The following VIPR2 variants were observed in gnomAD, a reference collection of about 807,000 sequenced individuals.
VIPR2 encodes the protein vasoactive intestinal peptide receptor 2.
Under a neutral mutation model 58.0 loss-of-function variants are expected in VIPR2, and 48 were observed. The observed-to-expected ratio is 0.83, with a 90% CI of 0.66 to 1.05. The LOEUF (loss-of-function observed/expected upper bound fraction) is 1.05. Ranked by LOEUF, VIPR2 falls within the 50% of genes least tolerant of loss-of-function variation. The probability of loss-of-function intolerance (pLI) is 0.00; values close to 1 mark genes in which losing one functional copy is unlikely to be tolerated. For missense variants in VIPR2, 534 were observed against 558.0 expected, an observed-to-expected ratio of 0.96 and a Z score of 0.43; for synonymous variants, 243 against 235.2, an observed-to-expected ratio of 1.03 and a Z score of -0.30.
At chr7:159,035,393 C>A (rs971579769) in intron 8 of VIPR2, among the ~76,000 whole-genome samples, 2 of 152,162 alleles carry the variant, frequency 1.3e-5, no homozygotes, top group Non-Finnish European at 2.9e-5. Context: ...TTTTAAACCA[C>A]CAAATTTTGG....
chr7:159,104,993 C>T lies in VIPR2; in HGVS notation c.260-1139G>A, dbSNP rs575621617. 5.9e-5 allele frequency among the ~76,000 whole-genome samples: 9 copies of T among 152,354 alleles called. No individual in the cohort carries two copies. In the East Asian group the frequency reaches 1.4e-3, roughly 23 times the overall value. On this transcript the variant is annotated intron_variant, in intron 3 of 12. Coordinates refer to ENST00000262178, the MANE Select transcript of VIPR2 (RefSeq NM_003382.5). ...CCACTGGTGTTGGAAGAAAGGATGGCGGAATTACAGTTTAATTGTAGGAAA... is the reference window on the plus strand; with the variant it reads ...CCACTGGTGTTGGAAGAAAGGATGGTGGAATTACAGTTTAATTGTAGGAAA...
At chr7:159,083,968 G>A (rs1025843751) in intron 4 of VIPR2, among the ~76,000 whole-genome samples, 6 of 152,216 alleles carry the variant, frequency 3.9e-5, no homozygotes, top group African/African-American at 1.4e-4. Flanking sequence ...CTTAGCAGAT[G>A]TGCCCTTGCT....
rs116132858 is a variant in VIPR2, at chr7:159,055,917, G to A, written c.455+2564C>T. 4.9e-3 allele frequency among the ~76,000 whole-genome samples: 739 copies of A among 152,312 alleles called. 1 individual carries two copies. Among genetic ancestry groups the A allele is most frequent in the South Asian group, 0.016 (77 of 4,830 alleles). On this transcript the variant is annotated intron_variant, in intron 5 of 12. Coordinates refer to ENST00000262178, the MANE Select transcript of VIPR2 (RefSeq NM_003382.5). Reference sequence around the variant, plus strand: ...GGAGGTAGTAGAAAGTGTGGCTTCCGGAAAGGGGGACCAGAGTCTGCTCAT... The same window carrying A: ...GGAGGTAGTAGAAAGTGTGGCTTCCAGAAAGGGGGACCAGAGTCTGCTCAT...
At position 159,031,741 on chromosome 7, in the gene VIPR2, T is replaced by G. The variant is rs1414414118; in HGVS notation, c.1143+87A>C. ...AACTCGAGCCCGCGGAAGACAGGCA[T>G]GTGTGGGGGCTGCGGCACCAGGCTG... On this transcript the variant is annotated intron_variant, in intron 12 of 12. Coordinates refer to ENST00000262178, the MANE Select transcript of VIPR2 (RefSeq NM_003382.5). This position sits in a 1 kb window ranked among gnomAD's most constrained non-coding sequence, Gnocchi z 4.0. The G allele has an allele frequency of 2.5e-6, 4 of 1,607,626 alleles. No homozygotes were observed. The highest frequency in any genetic ancestry group is 1.7e-5 in the Admixed American group (1 of 59,874).
At chr7:159,033,974 C>T (rs1853746191) in intron 10 of VIPR2, among the ~76,000 whole-genome samples, 1 of 152,194 alleles carries the variant, frequency 6.6e-6, no homozygotes, top group South Asian at 2.1e-4. Context: ...CACACCCTAT[C>T]TAGATGGCGG....
chr7:159,044,107 A>G (rs1585350662), intron 5 of VIPR2, among the ~76,000 whole-genome samples: 1 of 152,228 alleles, frequency 6.6e-6, no homozygotes, highest in African/African-American at 2.4e-5. Flanking sequence ...TAAGCATTGA[A>G]GGAGTGCTCC....
intron 6 of VIPR2, among the ~76,000 whole-genome samples, chr7:159,042,734 G>C (rs1382804140): frequency 2.0e-5 from 3 of 152,238 alleles, no homozygotes; most frequent in African/African-American, 7.2e-5. Flanking sequence ...AGATGTGTGT[G>C]AGGAAGGGTG....
At chr7:159,123,372 A>G (rs1387817115) in intron 2 of VIPR2, among the ~76,000 whole-genome samples, 1 of 151,468 alleles carries the variant, frequency 6.6e-6, no homozygotes, top group Non-Finnish European at 1.5e-5. Flanking sequence ...AGTTCTCATA[A>G]TTTAGCTCCC....
intron 6 of VIPR2, among the ~76,000 whole-genome samples, chr7:159,040,953 C>T (rs549145379): frequency 1.6e-4 from 25 of 152,268 alleles, no homozygotes; most frequent in African/African-American, 3.8e-4. Context: ...ACTAGAGTCA[C>T]GGGGCATCTG....
At chr7:159,124,783 C>T (rs1796594995) in intron 2 of VIPR2, among the ~76,000 whole-genome samples, 1 of 152,006 alleles carries the variant, frequency 6.6e-6, no homozygotes, top group Non-Finnish European at 1.5e-5. Flanking sequence ...GATGTTTTTC[C>T]ATTTGTTTGT....
chr7:159,071,088 G>A (rs562183415), intron 4 of VIPR2, among the ~76,000 whole-genome samples: 5 of 152,356 alleles, frequency 3.3e-5, no homozygotes, highest in Admixed American at 2.0e-4. Flanking sequence ...TGTGTTGCAG[G>A]AGGTGGGTCG....
At chr7:159,102,915 G>A (rs1193780092) in intron 4 of VIPR2, among the ~76,000 whole-genome samples, 1 of 152,226 alleles carries the variant, frequency 6.6e-6, no homozygotes, top group African/African-American at 2.4e-5. Flanking sequence ...CACACCTCTG[G>A]CTGCAGGTTG....
rs1853936856 is a variant in VIPR2, at chr7:159,036,106, T to A, written c.749-94A>T. The A allele has an allele frequency of 2.1e-5, 29 of 1,399,234 alleles. No individual in the cohort carries two copies. In the East Asian group the frequency reaches 7.0e-4, roughly 34 times the overall value. 86.7% of individuals were successfully genotyped at this position (1,399,234 alleles called of 1,614,324 possible). On this transcript the variant is annotated intron_variant, in intron 7 of 12. Coordinates refer to ENST00000262178, the MANE Select transcript of VIPR2 (RefSeq NM_003382.5). The stretch of plus-strand genomic sequence containing the variant: ...CCAGCAAAACCCTCAAGGACACGCT[T>A]TCTCACGGGAATATTAAGTGCAATC...
chr7:159,131,536 C>T (rs1796914419), intron 2 of VIPR2, among the ~76,000 whole-genome samples: 1 of 152,206 alleles, frequency 6.6e-6, no homozygotes, highest in Admixed American at 6.5e-5. Flanking sequence ...TGGCCATTTG[C>T]CTTACTACCT....
intron 2 of VIPR2, chr7:159,117,538 C>T (rs1229578845): frequency 1.5e-6 from 1 of 650,928 alleles, no homozygotes; most frequent in Non-Finnish European, 2.8e-6. Flanking sequence ...GGTGCAACTC[C>T]AGTTGTCACC....
At chr7:159,068,927 C>T (rs1231288269) in intron 4 of VIPR2, among the ~76,000 whole-genome samples, 2 of 152,222 alleles carry the variant, frequency 1.3e-5, no homozygotes, top group Non-Finnish European at 2.9e-5. Context: ...ATAAGGAAGA[C>T]ACGCAGCTAC....
chr7:159,038,368 A>C (rs1232426978), intron 6 of VIPR2, among the ~76,000 whole-genome samples: 1 of 151,798 alleles, frequency 6.6e-6, no homozygotes, highest in Non-Finnish European at 1.5e-5. Flanking sequence ...CATCTTTGCC[A>C]CCAGAGTAAG....
At chr7:159,064,723 G>C (rs1233176745) in intron 4 of VIPR2, among the ~76,000 whole-genome samples, 1 of 152,188 alleles carries the variant, frequency 6.6e-6, no homozygotes, top group Non-Finnish European at 1.5e-5. Flanking sequence ...CGCATCCAGG[G>C]CCGTCTGCTG....
intron 5 of VIPR2, among the ~76,000 whole-genome samples, chr7:159,054,943 C>A (rs1855220977): frequency 6.6e-6 from 1 of 152,076 alleles, no homozygotes; most frequent in African/African-American, 2.4e-5. Context: ...AAGATAAACA[C>A]AAATGTAAAT....
Sources: allele counts gnomAD v4.1 joint callset (sites outside exome capture counted in the v4.1 genomes callset), GRCh38; gene constraint gnomAD v4.1.1; non-coding constraint Gnocchi (gnomAD v3.1); transcripts MANE v1.5; gene names NCBI Gene and HGNC (gene_info 2026-07-23, HGNC 2026-07-21).